Variants in ADNP observed in about 807,000 individuals in gnomAD.
ADNP encodes activity dependent neuroprotector homeobox.
Under a neutral mutation model 84.9 loss-of-function variants are expected in ADNP, and 4 were observed. The ratio of observed to expected loss-of-function variants is 0.05; its 90% CI spans 0.02 to 0.11. The LOEUF (loss-of-function observed/expected upper bound fraction) is 0.11, where lower values mean the gene tolerates loss of function less well. ADNP is among the 10% of genes least tolerant of loss of function. ADNP has a pLI of 1.00. For synonymous variants in ADNP, 554 were observed against 468.1 expected, an observed-to-expected ratio of 1.18 and a Z score of -2.37; for missense variants, 1,132 against 1,326.0, an observed-to-expected ratio of 0.85 and a Z score of 2.27.
chr20:50,891,869 T>G lies in ADNP; in HGVS notation c.2845A>C (p.Met949Leu), dbSNP rs1348793072. ...ACCTCACTATCAGATGCATTGTGCA[T>G]TAGTTTGGTTGGTTCCTCAGTCAAA... is the stretch of plus-strand genomic sequence containing the variant. The part of the protein sequence containing the change: ...IHLTEEPTKL[M>L]HNASDSEVDQ... Residue 949 changes from methionine to leucine, a missense_variant, in exon 6 of 6, where the codon ATG (methionine) becomes CTG (leucine). Around this residue, in one of 10 missense-constraint regions of ADNP, gnomAD observed 381 missense variants for 319.9 expected, o/e 1.19. Coordinates refer to ENST00000621696, the MANE Select transcript of ADNP (RefSeq NM_001282531.3). 3.7e-6 allele frequency: 6 copies of G among 1,614,244 alleles called. No individual in the cohort carries two copies. The highest frequency in any genetic ancestry group is 2.2e-5 in the East Asian group (1 of 44,892).
chr20:50,909,383 A>G (rs1482320567), intron 2 of ADNP: 1 of 150,510 alleles, frequency 6.6e-6, no homozygotes, highest in African/African-American at 2.4e-5. Context: ...AAAAAAAAAA[A>G]AAAAAAAAAA....
At chr20:50,915,840 T>G (rs1275775103) in intron 2 of ADNP, among the ~76,000 whole-genome samples, 3 of 152,196 alleles carry the variant, frequency 2.0e-5, no homozygotes, top group Non-Finnish European at 4.4e-5. Context: ...AAAACTACTT[T>G]GCAAATGATG....
At chr20:50,900,062 C>G (rs1981813612) in intron 5 of ADNP, among the ~76,000 whole-genome samples, 1 of 152,074 alleles carries the variant, frequency 6.6e-6, no homozygotes, top group South Asian at 2.1e-4. Context: ...TTTATAAAGT[C>G]TACAGTGATG....
rs1980874323 is a variant in ADNP at position 50,892,423 on chromosome 20, T to C, written c.2291A>G (p.Tyr764Cys). Residue 764 changes from tyrosine (Y) to cysteine (C), a missense_variant, in exon 6 of 6, where the codon TAT becomes TGT. This residue lies in a region of ADNP where 101 missense variants were observed against 78.5 expected (regional missense o/e 1.29). Transcript: ENST00000621696. The stretch of plus-strand genomic sequence containing the variant: ...TGTTAGAAAGCTTTTCCTGGCTTCA[T>C]AGGAATCATCTTCATGACCCTTGGG... Reference protein sequence around the residue: ...LDPKGHEDDSYEARKSFLTKY... With the variant: ...LDPKGHEDDSCEARKSFLTKY... 6.2e-7 allele frequency: 1 copy of C among 1,614,224 alleles called. No individual in the cohort carries two copies. Among genetic ancestry groups the C allele is most frequent in the Non-Finnish European group, 8.5e-7 (1 of 1,180,030 alleles).
intron 4 of ADNP, 31 bp downstream of exon 4, chr20:50,903,858 T>C (rs146383815): frequency 6.7e-5 from 101 of 1,512,300 alleles, no homozygotes; most frequent in Non-Finnish European, 9.1e-5. Context: ...AGCTGAGTCA[T>C]GTTAAAATTT....
chr20:50,925,662 A>G (rs1248461931), intron 2 of ADNP, among the ~76,000 whole-genome samples: 3 of 152,246 alleles, frequency 2.0e-5, no homozygotes, highest in Non-Finnish European at 4.4e-5. Context: ...CAAAGTATCA[A>G]TTCAGTTAAT....
chr20:50,922,853 A>T (rs926832705), intron 2 of ADNP, among the ~76,000 whole-genome samples: 4 of 152,028 alleles, frequency 2.6e-5, no homozygotes, highest in African/African-American at 9.7e-5. Context: ...AAATGCTGGG[A>T]TTACAGGCGT....
chr20:50,910,176 G>C (rs1982897067), intron 2 of ADNP, among the ~76,000 whole-genome samples: 1 of 152,040 alleles, frequency 6.6e-6, no homozygotes, highest in South Asian at 2.1e-4. Context: ...TTTGAAAGAT[G>C]AAAGTTACTC....
At chr20:50,894,664 G>A (rs779328455) in intron 5 of ADNP, 152 bp from the exon 6 acceptor site, 1 of 807,786 alleles carries the variant, frequency 1.2e-6, no homozygotes, top group East Asian at 2.8e-5. Context: ...GGAGGCTGAG[G>A]TGGGTGGATC....
intron 2 of ADNP, among the ~76,000 whole-genome samples, chr20:50,923,870 TC>T (rs368502007): frequency 6.6e-6 from 1 of 152,336 alleles, no homozygotes; most frequent in African/African-American, 2.4e-5. Flanking sequence ...TCTGAGCACT[TC>T]TTGCATTTGG....
Position 50,930,922 on chromosome 20 carries a change from CAGCGGG to C in ADNP, c.-367_-362del, listed in dbSNP as rs1244177881. Reference sequence around the variant, plus strand: ...GATGGCGGCGGCACGGCGGTGGCGGCAGCGGGGAGGGCGCGCCCGGGGCCTCGTCGC... The same window carrying C: ...GATGGCGGCGGCACGGCGGTGGCGGCGAGGGCGCGCCCGGGGCCTCGTCGC... On this transcript the variant is annotated 5_prime_UTR_variant, in exon 1 of 6. Transcript: ENST00000621696. 2 of 143,608 alleles carry C rather than the reference CAGCGGG, an allele frequency of 1.4e-5. No individual in the cohort carries two copies. Among genetic ancestry groups the C allele is most frequent in the African/African-American group, 5.0e-5 (2 of 39,606 alleles). 8.9% of individuals were successfully genotyped at this position (143,608 alleles called of 1,614,324 possible).
intron 2 of ADNP, among the ~76,000 whole-genome samples, chr20:50,909,258 A>G (rs1982792827): frequency 6.8e-6 from 1 of 148,138 alleles, no homozygotes; most frequent in Non-Finnish European, 1.5e-5. Context: ...TACTACTAGG[A>G]AGGCTGAGGC....
At chr20:50,921,820 A>G (rs905405585) in intron 2 of ADNP, among the ~76,000 whole-genome samples, 13 of 152,256 alleles carry the variant, frequency 8.5e-5, no homozygotes, top group African/African-American at 3.1e-4. Context: ...AAGCGGGGGA[A>G]GATGCCTCGG....
At chr20:50,899,197 GT>G (rs111552447) in intron 5 of ADNP, among the ~76,000 whole-genome samples, 30,527 of 140,782 alleles carry the variant, frequency 0.22, 3,259 homozygotes, top group Non-Finnish European at 0.26. Flanking sequence ...TGGTAATGAG[GT>G]TTTTTTTTTT....
Position 50,891,247 on chromosome 20 carries a change from C to T in ADNP, c.*158G>A, listed in dbSNP as rs1980669769. 7.1e-7 allele frequency: 1 copy of T among 1,409,604 alleles called. No individual in the cohort carries two copies. Among genetic ancestry groups the T allele is most frequent in the African/African-American group, 1.5e-5 (1 of 68,892 alleles). 87.3% of individuals were successfully genotyped at this position (1,409,604 alleles called of 1,614,324 possible). ...CTGAAGCAAGAACAGCCTGTCCTGTCATAGACTTAGAAATAACCACTGGAA... is the reference window on the plus strand; with the variant it reads ...CTGAAGCAAGAACAGCCTGTCCTGTTATAGACTTAGAAATAACCACTGGAA... On this transcript the variant is annotated 3_prime_UTR_variant, in exon 6 of 6. Coordinates refer to ENST00000621696, the MANE Select transcript of ADNP (RefSeq NM_001282531.3).
chr20:50,888,918 T>G lies in ADNP; in HGVS notation c.*2487A>C, dbSNP rs921947507. On this transcript the variant is annotated 3_prime_UTR_variant, in exon 6 of 6. Coordinates refer to ENST00000621696, the MANE Select transcript of ADNP (RefSeq NM_001282531.3). Reference sequence around the variant, plus strand: ...AAAAACAAAACACACCAAACCTCTGTAGGATACTTAGGTTTTCTCATGTTA... The same window carrying G: ...AAAAACAAAACACACCAAACCTCTGGAGGATACTTAGGTTTTCTCATGTTA... 8 of 152,036 alleles carry G rather than the reference T, an allele frequency of 5.3e-5. No homozygotes were observed. The highest frequency in any genetic ancestry group is 1.9e-4 in the African/African-American group (8 of 41,386). The allele number at this position is 152,036 out of a possible 1,614,324, so 9.4% of individuals were successfully genotyped here.
chr20:50,917,828 T>C (rs1250381137), intron 2 of ADNP, among the ~76,000 whole-genome samples: 1 of 152,178 alleles, frequency 6.6e-6, no homozygotes, highest in East Asian at 1.9e-4. Context: ...CAACTGATGA[T>C]AAATGAAATG....
intron 5 of ADNP, among the ~76,000 whole-genome samples, chr20:50,900,770 CAA>C (rs962417033): frequency 6.6e-6 from 1 of 152,066 alleles, no homozygotes; most frequent in Admixed American, 6.5e-5. Context: ...AGAAAAAAGG[CAA>C]ATCTCCATTT....
Position 50,893,564 on chromosome 20 carries a change from G to T in ADNP, c.1150C>A (p.Gln384Lys). Residue 384 changes from glutamine to lysine, a missense_variant, in exon 6 of 6, where the codon CAG becomes AAG. Physicochemically the swap from Gln to Lys is moderately conservative, Grantham distance 53 (BLOSUM62 1). Transcript: ENST00000621696. The surrounding 1 kb of genome is among the most constrained non-coding windows in gnomAD (Gnocchi z 4.4). ...TATCTTGCTGGTGCCTGGGACCTCT[G>T]CTCTGACCCAAGCCCATAAGACCTT... The part of the protein sequence containing the change: ...NGRSYGLGSE[Q>K]RSQAPARYSL... 1 of 1,613,998 alleles carries T rather than the reference G, an allele frequency of 6.2e-7. No individual in the cohort carries two copies. The highest frequency in any genetic ancestry group is 8.5e-7 in the Non-Finnish European group (1 of 1,180,016).
Sources: allele counts gnomAD v4.1 joint callset (sites outside exome capture counted in the v4.1 genomes callset), GRCh38; gene constraint gnomAD v4.1.1; regional missense constraint gnomAD v4.1.1; non-coding constraint Gnocchi (gnomAD v3.1); transcripts MANE v1.5; gene names NCBI Gene and HGNC (gene_info 2026-07-23, HGNC 2026-07-21).